Variants in RABL3 observed in about 807,000 individuals in gnomAD.
RABL3 encodes the protein rab-like protein 3.
In RABL3, 31 loss-of-function variants were observed where a neutral mutation model predicts 31.8. That is an observed-to-expected ratio of 0.97 (90% confidence interval 0.73 to 1.31). The LOEUF (loss-of-function observed/expected upper bound fraction) is 1.31. Ranked by LOEUF, RABL3 falls within the 40% of genes most tolerant of loss-of-function variation. The probability of loss-of-function intolerance (pLI) is 0.00; values close to 1 mark genes in which losing one functional copy is unlikely to be tolerated. For synonymous variants in RABL3, 97 were observed against 99.9 expected (o/e 0.97, Z 0.18); for missense variants, 263 against 279.6 (o/e 0.94, Z 0.42).
intron 1 of RABL3, among the ~76,000 whole-genome samples, chr3:120,739,385 C>A (rs565561385): frequency 6.6e-6 from 1 of 151,144 alleles, no homozygotes; most frequent in South Asian, 2.1e-4. Flanking sequence ...TCGGTGGTGG[C>A]GGGCAGTGGG....
intron 2 of RABL3, among the ~76,000 whole-genome samples, chr3:120,719,256 A>G (rs1439365170): frequency 6.6e-6 from 1 of 152,214 alleles, no homozygotes; most frequent in Non-Finnish European, 1.5e-5. Context: ...GCTCCAGTCT[A>G]CAGCTCCCAG....
rs1708311545 is a variant in RABL3 at position 120,686,699 on chromosome 3, ACATTT to A, written c.*3119_*3123del. 1 of 152,234 alleles carries A rather than the reference ACATTT, an allele frequency of 6.6e-6. No homozygotes were observed. Among genetic ancestry groups the A allele is most frequent in the Non-Finnish European group, 1.5e-5 (1 of 68,042 alleles). The allele number at this position is 152,234 out of a possible 1,614,324, so 9.4% of individuals were successfully genotyped here. On this transcript the variant is annotated 3_prime_UTR_variant, in exon 8 of 8. Coordinates refer to ENST00000273375, the MANE Select transcript of RABL3 (RefSeq NM_173825.5). Reference sequence around the variant, plus strand: ...AGACAGATTATTGAGAAAAGCACACACATTTATTTACTGTAAGTTTTACATGACAG... The same window carrying A: ...AGACAGATTATTGAGAAAAGCACACAATTTACTGTAAGTTTTACATGACAG...
At chr3:120,691,752 G>C (rs1404238562) in intron 6 of RABL3, among the ~76,000 whole-genome samples, 1 of 152,182 alleles carries the variant, frequency 6.6e-6, no homozygotes, top group Non-Finnish European at 1.5e-5. Flanking sequence ...AGATCAGCTG[G>C]AGATGAACTC....
At chr3:120,740,088 C>T (rs1405227342) in intron 1 of RABL3, among the ~76,000 whole-genome samples, 1 of 152,028 alleles carries the variant, frequency 6.6e-6, no homozygotes, top group Non-Finnish European at 1.5e-5. Context: ...GTAAAAAAGG[C>T]CCAATATAAA....
rs1281778089 is a variant in RABL3 at position 120,686,419 on chromosome 3, T to A, written c.*3404A>T. 6.6e-6 allele frequency among the ~76,000 whole-genome samples: 1 copy of A among 152,162 alleles called. No individual in the cohort carries two copies. The highest frequency in any genetic ancestry group is 1.5e-5 in the Non-Finnish European group (1 of 68,032). ...AGAAACTCTGATTACAAGGAGCAATTAGGAGCTCTTCACCTCAGTCTGATG... is the reference window on the plus strand; with the variant it reads ...AGAAACTCTGATTACAAGGAGCAATAAGGAGCTCTTCACCTCAGTCTGATG... On this transcript the variant is annotated 3_prime_UTR_variant, in exon 8 of 8. Transcript: ENST00000273375.
At chr3:120,742,559 C>A (rs752697943), upstream of RABL3, 1 of 1,581,918 alleles carries the variant, frequency 6.3e-7, no homozygotes, top group Admixed American at 1.7e-5. Context: ...GTAAGCCAAT[C>A]AGAGTTGGGC....
At chr3:120,737,837 G>C (rs191476764) in intron 1 of RABL3, among the ~76,000 whole-genome samples, 1 of 152,208 alleles carries the variant, frequency 6.6e-6, no homozygotes, top group Non-Finnish European at 1.5e-5. Flanking sequence ...GCAGAACAGC[G>C]AATATTGCTG....
rs1238024532 is a variant in RABL3 at position 120,689,848 on chromosome 3, G to C, written c.686C>G (p.Thr229Arg). The change falls in exon 8 of 8, where the codon ACA (threonine) becomes AGA (arginine). Residue 229 changes from threonine to arginine, a missense_variant. Physicochemically the swap from Thr to Arg is moderately conservative, Grantham distance 71. Coordinates refer to ENST00000273375, the MANE Select transcript of RABL3 (RefSeq NM_173825.5). ...TCAGTCATAATGAAGGCTCTTTAAT[G>C]TTCCTGCCCCAAATCTTTTCCGATC... ...FPDRKRFGAGTLKSLHYD is the reference protein window; with the variant it reads ...FPDRKRFGAGRLKSLHYD 2.5e-6 allele frequency: 4 copies of C among 1,613,144 alleles called. No homozygotes were observed. The Admixed American group carries it at 5.0e-5, about 20-fold the overall frequency.
chr3:120,731,098 G>A (rs1194891758), intron 1 of RABL3, among the ~76,000 whole-genome samples: 3 of 145,572 alleles, frequency 2.1e-5, no homozygotes, highest in Admixed American at 2.0e-4. Context: ...TACTGATACT[G>A]GTCCAGGGGT....
In RABL3 at chr3:120,720,623, T is replaced by G. The variant is rs565955747; in HGVS notation, c.138+10073A>C. Among the ~76,000 whole-genome samples, 121 of 152,012 alleles carry G rather than the reference T, an allele frequency of 8.0e-4. 1 individual carries two copies. Among genetic ancestry groups the G allele is most frequent in the African/African-American group, 2.8e-3 (117 of 41,482 alleles). Reference sequence around the variant, plus strand: ...AAATGAATGAAATGAAGCGAGAAGATAATTTTAGAGAAAAAAGAATAAAAA... The same window carrying G: ...AAATGAATGAAATGAAGCGAGAAGAGAATTTTAGAGAAAAAAGAATAAAAA... On this transcript the variant is annotated intron_variant, in intron 2 of 7. Coordinates refer to ENST00000273375, the MANE Select transcript of RABL3 (RefSeq NM_173825.5).
intron 2 of RABL3, among the ~76,000 whole-genome samples, chr3:120,714,080 G>A (rs938408312): frequency 2.0e-5 from 3 of 152,170 alleles, no homozygotes; most frequent in Non-Finnish European, 4.4e-5. Context: ...AAAGTGCTGG[G>A]ATTACAGGCG....
At chr3:120,719,397 G>A (rs543943787) in intron 2 of RABL3, among the ~76,000 whole-genome samples, 1 of 152,220 alleles carries the variant, frequency 6.6e-6, no homozygotes, top group Admixed American at 6.5e-5. Context: ...GAAGCAAGGC[G>A]AGGCATCGCC....
chr3:120,694,473 AATTC>A (rs1358745154), intron 5 of RABL3, among the ~76,000 whole-genome samples: 4 of 152,156 alleles, frequency 2.6e-5, no homozygotes, highest in Admixed American at 2.0e-4. Context: ...ATCATCAAAT[AATTC>A]ATAGAGGAAG....
chr3:120,714,967 T>C (rs1011399617), intron 2 of RABL3, among the ~76,000 whole-genome samples: 4 of 152,158 alleles, frequency 2.6e-5, no homozygotes, highest in Non-Finnish European at 5.9e-5. Context: ...CAACTCAGAA[T>C]TGTCTTTTGA....
Position 120,685,432 on chromosome 3 carries a change from G to A in RABL3, c.*4391C>T, listed in dbSNP as rs993501154. Reference sequence around the variant, plus strand: ...TAAAGCTTAGTGATTAGCCAGCTGAGAAAACACAGTACTAGAGAGGGGGCT... The same window carrying A: ...TAAAGCTTAGTGATTAGCCAGCTGAAAAAACACAGTACTAGAGAGGGGGCT... On this transcript the variant is annotated 3_prime_UTR_variant, in exon 8 of 8. Coordinates refer to ENST00000273375, the MANE Select transcript of RABL3 (RefSeq NM_173825.5). Among the ~76,000 whole-genome samples, 3 of 152,192 alleles carry A rather than the reference G, an allele frequency of 2.0e-5. No individual in the cohort carries two copies. Among genetic ancestry groups the A allele is most frequent in the Admixed American group, 2.0e-4 (3 of 15,276 alleles).
At chr3:120,695,052 T>C (rs1708422752) in intron 5 of RABL3, among the ~76,000 whole-genome samples, 1 of 150,952 alleles carries the variant, frequency 6.6e-6, no homozygotes, top group Admixed American at 6.6e-5. Context: ...AAGACCAAAC[T>C]ATAAGGGCTA....
intron 1 of RABL3, among the ~76,000 whole-genome samples, chr3:120,736,904 T>C (rs1156897784): frequency 6.6e-6 from 1 of 152,266 alleles, no homozygotes; most frequent in Non-Finnish European, 1.5e-5. Context: ...AGAGATACGC[T>C]GATGGGCTTC....
chr3:120,734,974 A>C (rs1328677145), intron 1 of RABL3, among the ~76,000 whole-genome samples: 13 of 152,240 alleles, frequency 8.5e-5, no homozygotes, highest in African/African-American at 1.7e-4. Context: ...TTTTGCATTG[A>C]TGTTCATCAG....
chr3:120,694,294 T>C (rs1364339295), intron 5 of RABL3, 70 bp from the exon 6 acceptor site: 1 of 980,602 alleles, frequency 1.0e-6, no homozygotes, highest in Non-Finnish European at 1.6e-6. Context: ...TCATAACTTA[T>C]CCTGTTGCAT....
Sources: allele counts gnomAD v4.1 joint callset (sites outside exome capture counted in the v4.1 genomes callset), GRCh38; gene constraint gnomAD v4.1.1; transcripts MANE v1.5; gene names NCBI Gene and HGNC (gene_info 2026-07-23, HGNC 2026-07-21).